The following ZNF479 variants were observed in gnomAD, a reference collection of about 807,000 sequenced individuals.
The protein encoded by ZNF479 is KRAB zinc finger protein KR19.
ZNF479 carries 15 observed loss-of-function variants against 14.7 expected under a neutral mutation model. The ratio of observed to expected loss-of-function variants is 1.02; its 90% CI spans 0.68 to 1.57. The LOEUF (loss-of-function observed/expected upper bound fraction) is 1.57. Ranked by LOEUF, ZNF479 falls within the 40% of genes most tolerant of loss-of-function variation. ZNF479 has a pLI of 0.00. For synonymous variants in ZNF479, 145 were observed against 211.5 expected (o/e 0.69, Z 2.73); for missense variants, 506 against 615.1 (o/e 0.82, Z 1.88).
intron 1 of ZNF479, among the ~76,000 whole-genome samples, chr7:57,130,472 TA>T (rs59582725): frequency 1.2e-3 from 169 of 142,846 alleles, no homozygotes; most frequent in African/African-American, 1.9e-3. Flanking sequence ...AACTCTGTCT[TA>T]AAAAAAAAAA....
intron 3 of ZNF479, among the ~76,000 whole-genome samples, chr7:57,123,360 G>A (rs1305732342): frequency 1.3e-5 from 2 of 152,120 alleles, no homozygotes; most frequent in Non-Finnish European, 2.9e-5. Context: ...GCTCTCATTA[G>A]GCCCCAATCC....
Position 57,126,257 on chromosome 7 carries a change from T to A in ZNF479, c.167-144A>T, listed in dbSNP as rs544393530. On this transcript the variant is annotated intron_variant, in intron 2 of 3. Coordinates refer to ENST00000319636, the MANE Select transcript of ZNF479 (RefSeq NM_001370129.2). ...GAACTTTCTAAATATTCAGAAAATA[T>A]TTTAAATTTGTAGGTCCTTAATTTC... The A allele has an allele frequency of 2.0e-3, 2,139 of 1,060,922 alleles. 3 individuals are homozygous for A. Among genetic ancestry groups the A allele is most frequent in the East Asian group, 2.9e-3 (109 of 37,500 alleles). 65.7% of individuals were successfully genotyped at this position (1,060,922 alleles called of 1,614,324 possible).
intron 3 of ZNF479, among the ~76,000 whole-genome samples, chr7:57,125,793 T>C (rs200065735): frequency 0.11 from 15,156 of 140,566 alleles, no homozygotes; most frequent in East Asian, 0.19. Flanking sequence ...GCTCACACTG[T>C]GAACTTGAAG....
At chr7:57,133,621 C>A (rs768147766), upstream of ZNF479, among the ~76,000 whole-genome samples, 1 of 152,182 alleles carries the variant, frequency 6.6e-6, no homozygotes, top group Non-Finnish European at 1.5e-5. Context: ...AATCCCAGCA[C>A]TTTGAGAGGC....
intron 1 of ZNF479, among the ~76,000 whole-genome samples, chr7:57,128,733 T>C (rs1786290779): frequency 6.6e-6 from 1 of 152,144 alleles, no homozygotes; most frequent in Admixed American, 6.5e-5. Flanking sequence ...AAAAAATAGT[T>C]GAAACAAACT....
upstream of ZNF479, among the ~76,000 whole-genome samples, chr7:57,132,990 G>A (rs543062072): frequency 1.3e-5 from 2 of 152,238 alleles, no homozygotes; most frequent in Admixed American, 1.3e-4. Flanking sequence ...ACAAAAATTA[G>A]CCTGGCGTGG....
In ZNF479 at chr7:57,131,582, ACAAAC is replaced by A. The variant is rs750888218; in HGVS notation, c.39+699_39+703del. The stretch of plus-strand genomic sequence containing the variant: ...CCTCTCAAAAATAAAAAACAAACAA[ACAAAC>A]AAAAAAAAAACATTTCTTGTAAATT... On this transcript the variant is annotated intron_variant, in intron 1 of 3. Transcript: ENST00000319636. 4.3e-5 allele frequency among the ~76,000 whole-genome samples: 6 copies of A among 138,016 alleles called. 1 individual carries two copies. Among genetic ancestry groups the A allele is most frequent in the Admixed American group, 7.5e-5 (1 of 13,316 alleles). The allele number at this position is 138,016 out of a possible 152,430, so 90.5% of individuals were successfully genotyped here.
upstream of ZNF479, among the ~76,000 whole-genome samples, chr7:57,137,351 A>G (rs1374891750): frequency 1.3e-5 from 2 of 152,132 alleles, no homozygotes; most frequent in African/African-American, 2.4e-5. Flanking sequence ...GAAAAAAAAG[A>G]GTGGGGTTTC....
In ZNF479 at chr7:57,137,885, C is replaced by T. The variant is rs1786717792; in HGVS notation, c.-15+1723G>A. ...GGGTTACTGCGAGATATCTTTAGGA[C>T]CATCACCTATGTTATGTGACTCTTT... On this transcript the variant is annotated intron_variant, in intron 1 of 4. Transcript: ENST00000331162. Among the ~76,000 whole-genome samples the T allele has an allele frequency of 2.6e-5, 4 of 152,140 alleles. No homozygotes were observed. The South Asian group carries it at 8.3e-4, about 31-fold the overall frequency.
At chr7:57,135,417 T>TTTTG (rs1405491058), upstream of ZNF479, among the ~76,000 whole-genome samples, 2 of 152,042 alleles carry the variant, frequency 1.3e-5, no homozygotes, top group Non-Finnish European at 2.9e-5. Flanking sequence ...TTGTTTGTTT[T>TTTTG]TTTGTTTGTT....
intron 1 of ZNF479, among the ~76,000 whole-genome samples, chr7:57,139,281 T>G (rs1387679751): frequency 1.3e-5 from 2 of 152,138 alleles, no homozygotes; most frequent in Admixed American, 1.3e-4. Flanking sequence ...CTCTCATATG[T>G]GAACGCAGTC....
chr7:57,119,654 G>T lies in ZNF479; in HGVS notation c.*186C>A. 1.6e-6 allele frequency: 1 copy of T among 619,460 alleles called. No individual in the cohort carries two copies. The highest frequency in any genetic ancestry group is 3.1e-5 in the Admixed American group (1 of 32,454). The allele number at this position is 619,460 out of a possible 1,614,324, so 38.4% of individuals were successfully genotyped here. ...TTCTCTTAGGTTTATTAAGGTTTGAGGGTTGGTTAAAGGCTTTGTTACATT... is the reference window on the plus strand; with the variant it reads ...TTCTCTTAGGTTTATTAAGGTTTGATGGTTGGTTAAAGGCTTTGTTACATT... On this transcript the variant is annotated 3_prime_UTR_variant, in exon 4 of 4. Transcript: ENST00000319636.
At chr7:57,138,985 C>G (rs186155560) in intron 1 of ZNF479, among the ~76,000 whole-genome samples, 78 of 152,272 alleles carry the variant, frequency 5.1e-4, no homozygotes, top group African/African-American at 1.8e-3. Flanking sequence ...GATGTTGACT[C>G]TCATGCTTGG....
chr7:57,132,071 C>A (rs1371945600), intron 1 of ZNF479, among the ~76,000 whole-genome samples: 1 of 152,150 alleles, frequency 6.6e-6, no homozygotes. Flanking sequence ...GGTAAAGCCA[C>A]TGCAGAGGAA....
upstream of ZNF479, among the ~76,000 whole-genome samples, chr7:57,136,127 T>C (rs1219061914): frequency 6.6e-6 from 1 of 152,090 alleles, no homozygotes; most frequent in African/African-American, 2.4e-5. Flanking sequence ...CTCACGCCTG[T>C]AATCTCAGCA....
rs1271393305 is a variant in ZNF479, at chr7:57,118,390, G to GAGAC, written c.*1446_*1449dup. On this transcript the variant is annotated 3_prime_UTR_variant, in exon 4 of 4. Transcript: ENST00000319636. ...TAATCACATTTATAATTTTTTTTTT[G>GAGAC]AGACAGAGTCTTGCTCTGTCACCCA... Among the ~76,000 whole-genome samples the GAGAC allele has an allele frequency of 3.3e-5, 5 of 150,022 alleles. No homozygotes were observed. The highest frequency in any genetic ancestry group is 7.4e-5 in the Non-Finnish European group (5 of 67,628).
At position 57,126,029 on chromosome 7, in the gene ZNF479, G is replaced by T; in HGVS notation, c.251C>A (p.Ala84Asp). ...TCGCTCTCACCTACCTGGGTGTTTG[G>T]CTACCATCTCATTTCTCTTTATATT... ...SQNIKRNEMV[A>D]KHPVTRSHFT... The change falls in exon 3 of 4, where the codon GCC (alanine) becomes GAC (aspartate). Residue 84 changes from alanine to aspartate, a missense_variant. This residue lies in a region of ZNF479 where 420 missense variants were observed against 474.2 expected (regional missense o/e 0.89). Coordinates refer to ENST00000319636, the MANE Select transcript of ZNF479 (RefSeq NM_001370129.2). The T allele has an allele frequency of 6.2e-7, 1 of 1,603,912 alleles. No individual in the cohort carries two copies. The highest frequency in any genetic ancestry group is 8.5e-7 in the Non-Finnish European group (1 of 1,179,802).
Position 57,132,225 on chromosome 7 carries a change from A to C in ZNF479, c.39+61T>G, listed in dbSNP as rs533756792. 5.0e-6 allele frequency: 8 copies of C among 1,613,652 alleles called. No homozygotes were observed. The Admixed American group carries it at 6.7e-5, about 13-fold the overall frequency. On this transcript the variant is annotated intron_variant, in intron 1 of 3. Coordinates refer to ENST00000319636, the MANE Select transcript of ZNF479 (RefSeq NM_001370129.2). ...AGAAAGTCTGGGACCTGCTACAGCC[A>C]CTTTCTGCCGGTTCCAATCAGCCCC...
At chr7:57,129,159 G>A (rs188177246) in intron 1 of ZNF479, among the ~76,000 whole-genome samples, 3 of 152,264 alleles carry the variant, frequency 2.0e-5, no homozygotes, top group Non-Finnish European at 4.4e-5. Context: ...TTTCTTTACA[G>A]TAATGGGAGC....
Sources: allele counts gnomAD v4.1 joint callset (sites outside exome capture counted in the v4.1 genomes callset), GRCh38; gene constraint gnomAD v4.1.1; regional missense constraint gnomAD v4.1.1; transcripts MANE v1.5; gene names NCBI Gene and HGNC (gene_info 2026-07-23, HGNC 2026-07-21).